Variants in MAGI3 observed in about 807,000 individuals in gnomAD.
MAGI3 encodes membrane associated guanylate kinase, WW and PDZ domain containing 3.
MAGI3 carries 43 observed loss-of-function variants against 121.8 expected under a neutral mutation model. The observed-to-expected ratio is 0.35, with a 90% confidence interval of 0.28 to 0.46. The LOEUF (loss-of-function observed/expected upper bound fraction) is 0.46, where lower values mean the gene tolerates loss of function less well. Among genes scored for constraint, MAGI3 ranks in the 20% least tolerant of loss-of-function variants. The pLI is 1.00. For synonymous variants in MAGI3, 553 were observed against 639.3 expected (o/e 0.86, Z 2.04); for missense variants, 1,547 against 1,797.3 (o/e 0.86, Z 2.52).
At chr1:113,523,988 G>A (rs1243014316) in intron 1 of MAGI3, among the ~76,000 whole-genome samples, 3 of 152,102 alleles carry the variant, frequency 2.0e-5, no homozygotes, top group African/African-American at 7.2e-5. Context: ...GGTGCCCTGT[G>A]TCCCAGCCAC....
At chr1:113,675,432 G>A (rs1480787590) in intron 19 of MAGI3, among the ~76,000 whole-genome samples, 1 of 152,190 alleles carries the variant, frequency 6.6e-6, no homozygotes, top group Non-Finnish European at 1.5e-5. Flanking sequence ...GGGAAGCCAA[G>A]GGGAGAAAGG....
At chr1:113,551,037 TG>T (rs1365874324) in intron 2 of MAGI3, among the ~76,000 whole-genome samples, 3 of 151,890 alleles carry the variant, frequency 2.0e-5, no homozygotes, top group African/African-American at 7.2e-5. Context: ...CCTCCCTCCG[TG>T]GCTTCTTCCC....
chr1:113,529,006 G>T (rs1489178765), intron 1 of MAGI3, among the ~76,000 whole-genome samples: 1 of 152,084 alleles, frequency 6.6e-6, no homozygotes, highest in Non-Finnish European at 1.5e-5. Flanking sequence ...GTCAAAGTTT[G>T]CTTATTTAGA....
intron 1 of MAGI3, among the ~76,000 whole-genome samples, chr1:113,431,522 A>T (rs184585774): frequency 3.7e-4 from 56 of 152,302 alleles, no homozygotes; most frequent in African/African-American, 1.3e-3. Context: ...AGAAAAATCA[A>T]TAGTTTAGCA....
chr1:113,391,237 C>A lies in MAGI3; in HGVS notation c.204C>A (p.Gly68=), dbSNP rs1286592848. The A allele has an allele frequency of 2.6e-6, 4 of 1,567,718 alleles. No individual in the cohort carries two copies. Among genetic ancestry groups the A allele is most frequent in the Admixed American group, 1.9e-5 (1 of 53,372 alleles). ...TCTCGGGCAAGGCGCCCAGCCCAGG[C>A]GATGTGCTGCTGGAGGTAAACGGGA... is the stretch of plus-strand genomic sequence containing the variant. ...CVVSGKAPSP[G]DVLLEVNGTP... Residue 68 remains glycine, a synonymous_variant, in exon 1 of 21, where the codon GGC becomes GGA. Coordinates refer to ENST00000307546, the MANE Select transcript of MAGI3 (RefSeq NM_001142782.2). This position sits in a 1 kb window ranked among gnomAD's most constrained non-coding sequence, Gnocchi z 4.4.
At chr1:113,569,313 A>G (rs936885815) in intron 2 of MAGI3, among the ~76,000 whole-genome samples, 2 of 152,046 alleles carry the variant, frequency 1.3e-5, no homozygotes, top group Non-Finnish European at 2.9e-5. Context: ...TATTTGCCCT[A>G]TCTTCATTAT....
chr1:113,659,192 G>C lies in MAGI3; in HGVS notation c.2742G>C (p.Leu914=). 6.2e-7 allele frequency: 1 copy of C among 1,614,070 alleles called. No individual in the cohort carries two copies. Among genetic ancestry groups the C allele is most frequent in the Non-Finnish European group, 8.5e-7 (1 of 1,179,964 alleles). Residue 914 remains leucine (L), a synonymous_variant, in exon 16 of 21, where the codon CTG becomes CTC. Transcript: ENST00000307546. ...TGAATGGGCAGTCCATTGTTGAACTGTCTCATGATAACATTGTTCAGCTGA... is the reference window on the plus strand; with the variant it reads ...TGAATGGGCAGTCCATTGTTGAACTCTCTCATGATAACATTGTTCAGCTGA... The part of the protein sequence containing the change: ...SAVNGQSIVE[L]SHDNIVQLIK...
intron 2 of MAGI3, among the ~76,000 whole-genome samples, chr1:113,561,675 C>T (rs1222951839): frequency 2.0e-5 from 3 of 152,174 alleles, no homozygotes; most frequent in African/African-American, 7.2e-5. Flanking sequence ...TGGGCAAAAG[C>T]TGGAACCATT....
intron 1 of MAGI3, among the ~76,000 whole-genome samples, chr1:113,449,117 A>G (rs773171603): frequency 7.7e-6 from 1 of 130,290 alleles, no homozygotes. Flanking sequence ...ACTTCATTTC[A>G]AAAAAAAAAA....
At chr1:113,427,622 C>T (rs2101407683) in intron 1 of MAGI3, among the ~76,000 whole-genome samples, 1 of 152,252 alleles carries the variant, frequency 6.6e-6, no homozygotes, top group Non-Finnish European at 1.5e-5. Flanking sequence ...AGTTTGCTGT[C>T]CTCTTACTAC....
At chr1:113,445,487 T>C (rs1281690239) in intron 1 of MAGI3, among the ~76,000 whole-genome samples, 1 of 152,082 alleles carries the variant, frequency 6.6e-6, no homozygotes, top group Non-Finnish European at 1.5e-5. Context: ...CATGCACCTG[T>C]AGTCCCAGTT....
At chr1:113,527,314 G>A (rs944534066) in intron 1 of MAGI3, among the ~76,000 whole-genome samples, 2 of 152,068 alleles carry the variant, frequency 1.3e-5, no homozygotes, top group South Asian at 2.1e-4. Flanking sequence ...TTTCCAGTTG[G>A]CATCGCTCAA....
intron 1 of MAGI3, among the ~76,000 whole-genome samples, chr1:113,438,710 A>G (rs1204710290): frequency 6.6e-6 from 1 of 152,188 alleles, no homozygotes; most frequent in Non-Finnish European, 1.5e-5. Context: ...ACGTAAACTA[A>G]TACAGTGAGA....
Position 113,627,901 on chromosome 1 carries a change from A to G in MAGI3, c.1360+4907A>G, listed in dbSNP as rs568183747. Among the ~76,000 whole-genome samples the G allele has an allele frequency of 6.6e-5, 10 of 151,994 alleles. No individual in the cohort carries two copies. In the South Asian group the frequency reaches 1.0e-3, roughly 16 times the overall value. ...TTTTCCAGTCCTTTATTTCCATTCTATGTGTACCTTTACAGGTGACATATG... is the reference window on the plus strand; with the variant it reads ...TTTTCCAGTCCTTTATTTCCATTCTGTGTGTACCTTTACAGGTGACATATG... On this transcript the variant is annotated intron_variant, in intron 9 of 20. Transcript: ENST00000307546.
chr1:113,600,639 G>T (rs913640392), intron 6 of MAGI3, among the ~76,000 whole-genome samples: 1 of 151,736 alleles, frequency 6.6e-6, no homozygotes, highest in Non-Finnish European at 1.5e-5. Flanking sequence ...GAAAATGGCC[G>T]TATTGCCCAA....
rs547096172 is a variant in MAGI3, at chr1:113,422,217, C to G, written c.316+30868C>G. On this transcript the variant is annotated intron_variant, in intron 1 of 20. Transcript: ENST00000307546. The surrounding 1 kb of genome is among the most constrained non-coding windows in gnomAD (Gnocchi z 4.3). The stretch of plus-strand genomic sequence containing the variant: ...GTTTGCACCAATGGTAACATTCTTA[C>G]AAAACTACAGTATAATATCACAGTC... Among the ~76,000 whole-genome samples the G allele has an allele frequency of 6.6e-6, 1 of 152,340 alleles. No homozygotes were observed. Among genetic ancestry groups the G allele is most frequent in the East Asian group, 1.9e-4 (1 of 5,190 alleles).
Position 113,391,994 on chromosome 1 carries a change from G to A in MAGI3, c.316+645G>A, listed in dbSNP as rs1474695237. On this transcript the variant is annotated intron_variant, in intron 1 of 20. Transcript: ENST00000307546. The surrounding 1 kb of genome is among the most constrained non-coding windows in gnomAD (Gnocchi z 4.4). ...CTGGGTTTTGCAGGAAGACCTAGGTGCCTAGCGGAGTGAAAGCTTCTGTAA... is the reference window on the plus strand; with the variant it reads ...CTGGGTTTTGCAGGAAGACCTAGGTACCTAGCGGAGTGAAAGCTTCTGTAA... 6.6e-6 allele frequency among the ~76,000 whole-genome samples: 1 copy of A among 152,244 alleles called. No homozygotes were observed. Among genetic ancestry groups the A allele is most frequent in the Non-Finnish European group, 1.5e-5 (1 of 68,038 alleles).
intron 9 of MAGI3, among the ~76,000 whole-genome samples, chr1:113,630,044 T>A (rs1651525712): frequency 6.6e-6 from 1 of 151,668 alleles, no homozygotes; most frequent in African/African-American, 2.4e-5. Flanking sequence ...GGATGGTGAG[T>A]TTCCCCAAGC....
In MAGI3 at chr1:113,560,329, T is replaced by G. The variant is rs1432612452; in HGVS notation, c.433+10698T>G. Among the ~76,000 whole-genome samples, 4 of 151,892 alleles carry G rather than the reference T, an allele frequency of 2.6e-5. No homozygotes were observed. In the East Asian group the frequency reaches 7.7e-4, roughly 29 times the overall value. On this transcript the variant is annotated intron_variant, in intron 2 of 20. Coordinates refer to ENST00000307546, the MANE Select transcript of MAGI3 (RefSeq NM_001142782.2). The stretch of plus-strand genomic sequence containing the variant: ...AGGCAGAGGTTGCAGTGAGCTGAGA[T>G]TGTGCCACTGCACTCCTGCCTGAGT...
Sources: allele counts gnomAD v4.1 joint callset (sites outside exome capture counted in the v4.1 genomes callset), GRCh38; gene constraint gnomAD v4.1.1; non-coding constraint Gnocchi (gnomAD v3.1); transcripts MANE v1.5; gene names NCBI Gene and HGNC (gene_info 2026-07-23, HGNC 2026-07-21).